SDK1: variants seen among roughly 807,000 people sequenced by gnomAD.
SDK1 encodes sidekick cell adhesion molecule 1, also known as protein sidekick-1.
Under a neutral mutation model 245.5 loss-of-function variants are expected in SDK1, and 157 were observed. The observed-to-expected ratio is 0.64, with a 90% CI of 0.56 to 0.73. SDK1 has a LOEUF of 0.73. SDK1 is among the 30% of genes least tolerant of loss of function. SDK1 has a pLI of 0.00. For missense variants in SDK1, 3,583 were observed against 3,002.3 expected (o/e 1.19, Z -4.52); for synonymous variants, 1,647 against 1,278.5 (o/e 1.29, Z -6.15).
intron 1 of SDK1, among the ~76,000 whole-genome samples, chr7:3,602,617 T>C (rs559004345): frequency 1.3e-5 from 2 of 151,992 alleles, no homozygotes; most frequent in Admixed American, 6.5e-5. Flanking sequence ...TTTCTCCCAT[T>C]GTGTAGGTTC....
rs531104446 is a variant in SDK1, at chr7:3,684,791, G to C, written c.713+42686G>C. 1.7e-4 allele frequency among the ~76,000 whole-genome samples: 26 copies of C among 151,800 alleles called. 1 individual carries two copies. The highest frequency in any genetic ancestry group is 6.3e-4 in the African/African-American group (26 of 41,408). ...AAAAAAAATAGAAAATCTTAGCACA[G>C]AAATAAAAGAGCCAATGGAAAGCAG... On this transcript the variant is annotated intron_variant, in intron 4 of 44. Coordinates refer to ENST00000404826, the MANE Select transcript of SDK1 (RefSeq NM_152744.4).
chr7:3,594,016 T>G (rs1780973273), intron 1 of SDK1, among the ~76,000 whole-genome samples: 1 of 152,160 alleles, frequency 6.6e-6, no homozygotes, highest in Non-Finnish European at 1.5e-5. Flanking sequence ...TTTTAACATG[T>G]TTAGGGAGTT....
rs1015656229 is a variant in SDK1, at chr7:3,507,395, C to G, written c.299-111685C>G. 7.9e-5 allele frequency among the ~76,000 whole-genome samples: 12 copies of G among 152,280 alleles called. No individual in the cohort carries two copies. In the East Asian group the frequency reaches 2.1e-3, roughly 27 times the overall value. ...CTCTGATCTCTGTGTTGTCATGTAA[C>G]AAGACCATTGTGCTTTTTTGGGGTA... is the stretch of plus-strand genomic sequence containing the variant. On this transcript the variant is annotated intron_variant, in intron 1 of 44. Transcript: ENST00000404826.
At chr7:3,597,011 C>G (rs1239536185) in intron 1 of SDK1, among the ~76,000 whole-genome samples, 1 of 152,158 alleles carries the variant, frequency 6.6e-6, no homozygotes, top group African/African-American at 2.4e-5. Flanking sequence ...TGACTCACAC[C>G]TGTAACCCCA....
At chr7:4,156,042 C>T (rs2128210318) in intron 30 of SDK1, among the ~76,000 whole-genome samples, 1 of 152,298 alleles carries the variant, frequency 6.6e-6, no homozygotes, top group East Asian at 1.9e-4. Flanking sequence ...CTGAGTGTCT[C>T]ACCTGAGTTT....
intron 1 of SDK1, among the ~76,000 whole-genome samples, chr7:3,517,639 T>C (rs1260081422): frequency 6.6e-6 from 1 of 152,128 alleles, no homozygotes; most frequent in Non-Finnish European, 1.5e-5. Flanking sequence ...AGGTATAATT[T>C]TGGATGTGTT....
At chr7:3,511,219 T>C (rs1182460712) in intron 1 of SDK1, among the ~76,000 whole-genome samples, 2 of 152,256 alleles carry the variant, frequency 1.3e-5, no homozygotes, top group African/African-American at 4.8e-5. Context: ...CATATTTTCC[T>C]TCTTGGGTAC....
intron 28 of SDK1, among the ~76,000 whole-genome samples, chr7:4,136,156 A>G (rs910237951): frequency 5.3e-5 from 8 of 152,126 alleles, no homozygotes; most frequent in African/African-American, 1.7e-4. Context: ...CACCGTGTCT[A>G]CCTGCGAGGC....
chr7:3,636,931 T>G (rs142040540), intron 2 of SDK1, among the ~76,000 whole-genome samples: 2 of 152,182 alleles, frequency 1.3e-5, no homozygotes, highest in East Asian at 3.9e-4. Flanking sequence ...CCCTGATGAT[T>G]AGGGACATTG....
chr7:3,447,443 A>G (rs899260002), intron 1 of SDK1, among the ~76,000 whole-genome samples: 1 of 152,082 alleles, frequency 6.6e-6, no homozygotes, highest in African/African-American at 2.4e-5. Flanking sequence ...TACTCTTCAC[A>G]TGTGTTGGAC....
intron 4 of SDK1, among the ~76,000 whole-genome samples, chr7:3,709,200 C>G (rs755866893): frequency 5.3e-5 from 8 of 152,296 alleles, no homozygotes; most frequent in East Asian, 1.9e-4. Flanking sequence ...AATTATGAAA[C>G]TTAGTTCTGC....
chr7:3,818,878 C>T (rs1243230697), intron 4 of SDK1, among the ~76,000 whole-genome samples: 1 of 152,150 alleles, frequency 6.6e-6, no homozygotes, highest in African/African-American at 2.4e-5. Context: ...AAGACCCACA[C>T]CTGATGCTGG....
intron 1 of SDK1, among the ~76,000 whole-genome samples, chr7:3,516,937 G>T (rs775937400): frequency 6.6e-6 from 1 of 152,130 alleles, no homozygotes; most frequent in South Asian, 2.1e-4. Context: ...TCTGCCTGCT[G>T]TTCTCAGATG....
intron 17 of SDK1, among the ~76,000 whole-genome samples, chr7:4,041,557 C>G (rs546309116): frequency 2.2e-4 from 33 of 152,228 alleles, no homozygotes; most frequent in African/African-American, 7.0e-4. Context: ...TTATAGCCTA[C>G]AGAAGAGTTT....
intron 4 of SDK1, among the ~76,000 whole-genome samples, chr7:3,698,600 A>G (rs941950762): frequency 6.6e-6 from 1 of 151,998 alleles, no homozygotes; most frequent in Non-Finnish European, 1.5e-5. Flanking sequence ...CACCACAAAT[A>G]CTGGGGCTTA....
chr7:3,584,453 CAG>C (rs550182758), intron 1 of SDK1, among the ~76,000 whole-genome samples: 25 of 152,258 alleles, frequency 1.6e-4, no homozygotes, highest in African/African-American at 5.8e-4. Flanking sequence ...ATGCTGCAAA[CAG>C]GGTTGCTAAG....
intron 12 of SDK1, among the ~76,000 whole-genome samples, chr7:3,973,594 G>A (rs1278191020): frequency 6.6e-6 from 1 of 152,026 alleles, no homozygotes; most frequent in Non-Finnish European, 1.5e-5. Flanking sequence ...CATGAGTTGG[G>A]CAATTCCACT....
At chr7:3,556,431 G>T (rs533993069) in intron 1 of SDK1, among the ~76,000 whole-genome samples, 1 of 152,052 alleles carries the variant, frequency 6.6e-6, no homozygotes, top group African/African-American at 2.4e-5. Flanking sequence ...CAGCAAGTAG[G>T]GATGGTTAAT....
intron 1 of SDK1, among the ~76,000 whole-genome samples, chr7:3,454,380 C>G (rs1193185796): frequency 1.2e-5 from 1 of 85,126 alleles, no homozygotes; most frequent in Non-Finnish European, 2.7e-5. Flanking sequence ...TTTCGTGTTC[C>G]CCAAGATTTG....
Sources: allele counts gnomAD v4.1 joint callset (sites outside exome capture counted in the v4.1 genomes callset), GRCh38; gene constraint gnomAD v4.1.1; transcripts MANE v1.5; gene names NCBI Gene and HGNC (gene_info 2026-07-23, HGNC 2026-07-21).